The following DNAH12 variants were observed in gnomAD, a reference collection of about 807,000 sequenced individuals.
DNAH12 encodes axonemal beta dynein heavy chain 12.
DNAH12 carries 285 observed loss-of-function variants against 371.5 expected under a neutral mutation model. The observed-to-expected ratio is 0.77, with a 90% confidence interval of 0.70 to 0.85. The LOEUF (loss-of-function observed/expected upper bound fraction) is 0.85, where lower values mean the gene tolerates loss of function less well. Ranked by LOEUF, DNAH12 falls within the 40% of genes least tolerant of loss-of-function variation. The pLI, the probability that DNAH12 is intolerant of heterozygous loss-of-function variation, is 0.00. For missense variants in DNAH12, 3,611 were observed against 3,689.4 expected, an observed-to-expected ratio of 0.98 and a Z score of 0.55; for synonymous variants, 1,200 against 1,213.0, an observed-to-expected ratio of 0.99 and a Z score of 0.22.
intron 12 of DNAH12, among the ~76,000 whole-genome samples, chr3:57,483,910 C>T (rs376467423): frequency 1.1e-4 from 14 of 129,888 alleles, no homozygotes; most frequent in African/African-American, 1.8e-4. Flanking sequence ...ATGATTGCAC[C>T]GTTGCACTCC....
At chr3:57,493,271 GA>G in intron 11 of DNAH12, among the ~76,000 whole-genome samples, 1 of 151,726 alleles carries the variant, frequency 6.6e-6, no homozygotes, top group South Asian at 2.1e-4. Context: ...GAAAATATTT[GA>G]AAAAAGCCAT....
chr3:57,455,875 CTTT>C (rs2065890302), intron 22 of DNAH12, among the ~76,000 whole-genome samples: 4 of 152,054 alleles, frequency 2.6e-5, no homozygotes, highest in African/African-American at 9.7e-5. Context: ...GAGGTTTAAT[CTTT>C]TTAAAAATAG....
chr3:57,505,463 C>CA (rs1269454756), intron 8 of DNAH12, among the ~76,000 whole-genome samples: 2 of 152,148 alleles, frequency 1.3e-5, no homozygotes, highest in East Asian at 3.9e-4. Context: ...TGTTTTGAGA[C>CA]AGAGTCTCAC....
chr3:57,469,225 A>G (rs887693912), intron 16 of DNAH12, among the ~76,000 whole-genome samples: 15 of 152,340 alleles, frequency 9.8e-5, no homozygotes, highest in African/African-American at 3.4e-4. Flanking sequence ...CAGTACCCAC[A>G]TAAAATGCAG....
chr3:57,407,435 G>A (rs1553681668), intron 40 of DNAH12, among the ~76,000 whole-genome samples: 1 of 152,134 alleles, frequency 6.6e-6, no homozygotes, highest in African/African-American at 2.4e-5. Context: ...CAGAACAAAT[G>A]TACTATCTCT....
chr3:57,415,100 TCCCCACCCCTG>T (rs2153357375), intron 38 of DNAH12, among the ~76,000 whole-genome samples: 1 of 152,156 alleles, frequency 6.6e-6, no homozygotes, highest in South Asian at 2.1e-4. Context: ...TCCCTGGGTC[TCCCCACCCCTG>T]CCCCACCCTA....
chr3:57,295,725 A>G, intron 72 of DNAH12, 133 bp from the exon 73 acceptor site: 1 of 706,344 alleles, frequency 1.4e-6, no homozygotes, highest in Non-Finnish European at 2.2e-6. Flanking sequence ...GTAAAAAAAG[A>G]AAATGAGAAA....
At chr3:57,354,172 T>C (rs1277927646) in intron 59 of DNAH12, among the ~76,000 whole-genome samples, 4 of 152,176 alleles carry the variant, frequency 2.6e-5, no homozygotes, top group Non-Finnish European at 5.9e-5. Context: ...AGATACACCA[T>C]GGAATACAAC....
chr3:57,494,491 G>T (rs1168941157), intron 11 of DNAH12, among the ~76,000 whole-genome samples: 2 of 152,034 alleles, frequency 1.3e-5, no homozygotes, highest in African/African-American at 4.8e-5. Context: ...GAGTCTGGGA[G>T]GTTGAGGCTA....
At chr3:57,471,762 A>G (rs2066375821) in intron 14 of DNAH12, among the ~76,000 whole-genome samples, 156 bp from the exon 15 acceptor site, 1 of 152,202 alleles carries the variant, frequency 6.6e-6, no homozygotes, top group Admixed American at 6.5e-5. Context: ...TAAAAATGCA[A>G]AGAATAAACC....
At chr3:57,331,626 T>C (rs1042103006) in intron 62 of DNAH12, among the ~76,000 whole-genome samples, 1 of 152,070 alleles carries the variant, frequency 6.6e-6, no homozygotes, top group African/African-American at 2.4e-5. Context: ...AACGGTAAAA[T>C]TTTTTTCTTT....
intron 45 of DNAH12, among the ~76,000 whole-genome samples, chr3:57,391,205 G>A (rs1230616241): frequency 6.6e-6 from 1 of 152,212 alleles, no homozygotes; most frequent in Admixed American, 6.5e-5. Context: ...ATTATACACT[G>A]AGTAAAGCAG....
At chr3:57,510,744 G>A (rs771637896) in intron 5 of DNAH12, 46 bp downstream of exon 5, 1 of 1,572,904 alleles carries the variant, frequency 6.4e-7, no homozygotes, top group Admixed American at 1.8e-5. Flanking sequence ...GGGGACGGGG[G>A]GAGGCCAAGG....
chr3:57,526,513 G>C (rs943570530), intron 2 of DNAH12, among the ~76,000 whole-genome samples: 1 of 150,912 alleles, frequency 6.6e-6, no homozygotes, highest in Non-Finnish European at 1.5e-5. Context: ...TGGACACTGA[G>C]GTTGTTTCCA....
chr3:57,429,221 G>A (rs967350371), intron 33 of DNAH12, among the ~76,000 whole-genome samples: 1 of 151,330 alleles, frequency 6.6e-6, no homozygotes, highest in Non-Finnish European at 1.5e-5. Flanking sequence ...TTGTTGCCCA[G>A]GCTGGAGTGC....
Position 57,454,897 on chromosome 3 carries a change from G to A in DNAH12, c.3337-3C>T, listed in dbSNP as rs199897682. The A allele has an allele frequency of 1.8e-5, 28 of 1,535,662 alleles. No homozygotes were observed. In the East Asian group the frequency reaches 6.9e-4, roughly 38 times the overall value. On this transcript the variant is annotated splice_region_variant and splice_polypyrimidine_tract_variant and intron_variant, in intron 22 of 73. Transcript: ENST00000495027. ...CTTCTTGCAGATTCTGGATAAGCCT[G>A]AACAATTAAAATAAATTTCTAACTT... is the stretch of plus-strand genomic sequence containing the variant.
chr3:57,448,790 T>C (rs2065636048), intron 25 of DNAH12, among the ~76,000 whole-genome samples: 1 of 151,838 alleles, frequency 6.6e-6, no homozygotes, highest in South Asian at 2.1e-4. Flanking sequence ...AGATACAGAG[T>C]ATGGACACAA....
intron 60 of DNAH12, among the ~76,000 whole-genome samples, chr3:57,340,532 A>T (rs1553655720): frequency 6.6e-6 from 1 of 152,180 alleles, no homozygotes; most frequent in Non-Finnish European, 1.5e-5. Context: ...ATTATAAACT[A>T]ATCAATTTGA....
At chr3:57,346,594 A>G (rs1357686197) in intron 60 of DNAH12, among the ~76,000 whole-genome samples, 3 of 152,192 alleles carry the variant, frequency 2.0e-5, no homozygotes, top group Admixed American at 6.5e-5. Context: ...TATGGTAGAT[A>G]TTAATCCAAC....
Sources: allele counts gnomAD v4.1 joint callset (sites outside exome capture counted in the v4.1 genomes callset), GRCh38; gene constraint gnomAD v4.1.1; transcripts MANE v1.5; gene names NCBI Gene and HGNC (gene_info 2026-07-23, HGNC 2026-07-21).